The following PCDHGB1 variants were observed in gnomAD, a reference collection of about 807,000 sequenced individuals.
The protein encoded by PCDHGB1 is protocadherin gamma-B1.
A neutral mutation model predicts 56.6 loss-of-function variants in PCDHGB1; 34 were observed. The ratio of observed to expected loss-of-function variants is 0.60; its 90% CI spans 0.46 to 0.80. The LOEUF is 0.80. PCDHGB1 is among the 30% of genes least tolerant of loss of function. The pLI, the probability that PCDHGB1 is intolerant of heterozygous loss-of-function variation, is 0.00. For missense variants in PCDHGB1, 1,278 were observed against 1,204.6 expected (o/e 1.06, Z -0.90); for synonymous variants, 561 against 505.9 (o/e 1.11, Z -1.46).
intron 1 of PCDHGB1, among the ~76,000 whole-genome samples, chr5:141,470,591 G>A (rs1271473509): frequency 1.3e-5 from 2 of 152,132 alleles, no homozygotes; most frequent in African/African-American, 4.8e-5. Flanking sequence ...ATAGGCAGGC[G>A]ACCTGTGCGG....
At chr5:141,454,796 ATTTTTTTTTTTT>A (rs61612330) in intron 1 of PCDHGB1, among the ~76,000 whole-genome samples, 76 of 77,462 alleles carry the variant, frequency 9.8e-4, no homozygotes, top group African/African-American at 3.9e-3. Flanking sequence ...CATGGTTCTA[ATTTTTTTTTTTT>A]TTTTTTTTTT....
intron 1 of PCDHGB1, among the ~76,000 whole-genome samples, chr5:141,451,542 G>A (rs1023356681): frequency 3.3e-5 from 5 of 152,148 alleles, no homozygotes; most frequent in Non-Finnish European, 7.3e-5. Context: ...GCCAGAGAGG[G>A]CAAATGTGAT....
intron 1 of PCDHGB1, chr5:141,400,577 T>G: frequency 6.2e-7 from 1 of 1,611,914 alleles, no homozygotes; most frequent in East Asian, 2.2e-5. Flanking sequence ...TTTTCTGTAT[T>G]TACATGAAAC....
chr5:141,505,911 A>C (rs2099849083), intron 3 of PCDHGB1, among the ~76,000 whole-genome samples: 1 of 152,154 alleles, frequency 6.6e-6, no homozygotes, highest in South Asian at 2.1e-4. Flanking sequence ...CAAAGCATAG[A>C]GTTCTGGGCC....
chr5:141,376,643 A>T, intron 1 of PCDHGB1: 1 of 1,013,992 alleles, frequency 9.9e-7, no homozygotes, highest in Non-Finnish European at 1.4e-6. Context: ...GATTTTGTAA[A>T]GTGGAAGACT....
chr5:141,388,922 A>G (rs761599135), intron 1 of PCDHGB1: 1 of 1,614,046 alleles, frequency 6.2e-7, no homozygotes, highest in Non-Finnish European at 8.5e-7. Context: ...CAGAAGTGAT[A>G]TTCCAGTCTC....
At chr5:141,397,195 G>T (rs2093485269) in intron 1 of PCDHGB1, among the ~76,000 whole-genome samples, 1 of 152,150 alleles carries the variant, frequency 6.6e-6, no homozygotes, top group Non-Finnish European at 1.5e-5. Context: ...TACTGTAAAA[G>T]ATATGACATA....
intron 1 of PCDHGB1, among the ~76,000 whole-genome samples, chr5:141,444,977 T>A (rs2098452876): frequency 1.3e-5 from 2 of 152,200 alleles, no homozygotes; most frequent in South Asian, 4.1e-4. Flanking sequence ...TTCAAATCCA[T>A]GAACATGGTA....
Position 141,487,246 on chromosome 5 carries a change from C to T in PCDHGB1, c.2410-7561C>T. 1 of 1,614,166 alleles carries T rather than the reference C, an allele frequency of 6.2e-7. No individual in the cohort carries two copies. The highest frequency in any genetic ancestry group is 8.5e-7 in the Non-Finnish European group (1 of 1,180,014). ...GGGAAGGAGAATCTCGTCTAACCCTCTACTTGGCTGTGTCCCTAGTGGCAA... is the reference window on the plus strand; with the variant it reads ...GGGAAGGAGAATCTCGTCTAACCCTTTACTTGGCTGTGTCCCTAGTGGCAA... On this transcript the variant is annotated intron_variant, in intron 1 of 3. Coordinates refer to ENST00000523390, the MANE Select transcript of PCDHGB1 (RefSeq NM_018922.3). This position sits in a 1 kb window ranked among gnomAD's most constrained non-coding sequence, Gnocchi z 5.0.
chr5:141,376,025 G>C, intron 1 of PCDHGB1: 1 of 1,613,266 alleles, frequency 6.2e-7, no homozygotes, highest in Non-Finnish European at 8.5e-7. Context: ...GGCCGTCCAG[G>C]ACCACGGCCA....
chr5:141,389,429 G>T, intron 1 of PCDHGB1: 1 of 1,610,654 alleles, frequency 6.2e-7, no homozygotes, highest in East Asian at 2.2e-5. Flanking sequence ...TGTTCGCGCA[G>T]CGCGCCTTCG....
At chr5:141,369,431 C>T (rs935831476) in intron 1 of PCDHGB1, among the ~76,000 whole-genome samples, 1 of 152,124 alleles carries the variant, frequency 6.6e-6, no homozygotes, top group Non-Finnish European at 1.5e-5. Flanking sequence ...ATTTGGGACG[C>T]TGAGGTGGGA....
At chr5:141,371,541 C>G in intron 1 of PCDHGB1, 1 of 1,613,764 alleles carries the variant, frequency 6.2e-7, no homozygotes, top group Non-Finnish European at 8.5e-7. Flanking sequence ...TGGAGAAATC[C>G]TATGCCAACT....
chr5:141,409,007 C>T, intron 1 of PCDHGB1: 1 of 1,613,932 alleles, frequency 6.2e-7, no homozygotes, highest in Non-Finnish European at 8.5e-7. Context: ...AGCCACTGAC[C>T]AGGATGAGGG....
intron 1 of PCDHGB1, chr5:141,418,494 T>TGATGGTGGG: frequency 6.2e-7 from 1 of 1,614,020 alleles, no homozygotes; most frequent in Non-Finnish European, 8.5e-7. Context: ...CACTTGGTAC[T>TGATGGTGGG]GACCGCCTTA....
Position 141,450,758 on chromosome 5 carries a change from A to C in PCDHGB1, c.2410-44049A>C, listed in dbSNP as rs1007910264. On this transcript the variant is annotated intron_variant, in intron 1 of 3. Transcript: ENST00000523390. ...CGCCTTGGCCTCCCAAAGTGCCGGGATTACAGGCATGAGCCACCGTGCCCG... is the reference window on the plus strand; with the variant it reads ...CGCCTTGGCCTCCCAAAGTGCCGGGCTTACAGGCATGAGCCACCGTGCCCG... Among the ~76,000 whole-genome samples the C allele has an allele frequency of 5.3e-5, 8 of 151,784 alleles. No individual in the cohort carries two copies. In the East Asian group the frequency reaches 1.4e-3, roughly 26 times the overall value.
intron 1 of PCDHGB1, among the ~76,000 whole-genome samples, chr5:141,452,476 C>T (rs968627914): frequency 6.6e-6 from 1 of 152,216 alleles, no homozygotes; most frequent in Admixed American, 6.5e-5. Context: ...AGGAAAAACA[C>T]ACATAAACAC....
intron 1 of PCDHGB1, chr5:141,365,269 A>T: frequency 6.2e-7 from 1 of 1,614,008 alleles, no homozygotes; most frequent in Non-Finnish European, 8.5e-7. Flanking sequence ...AAGAATCCAG[A>T]TTCTACCTCA....
chr5:141,351,156 C>T lies in PCDHGB1; in HGVS notation c.896C>T (p.Thr299Ile), dbSNP rs995856696. Residue 299 changes from threonine (T) to isoleucine (I), a missense_variant, in exon 1 of 4, where the codon ACC becomes ATC. Physicochemically the swap from Thr to Ile is moderately conservative, Grantham distance 89 (BLOSUM62 -1). Coordinates refer to ENST00000523390, the MANE Select transcript of PCDHGB1 (RefSeq NM_018922.3). ...NLNPNTGDIT[T>I]NGTLDFEETS... Reference sequence around the variant, plus strand: ...AATCCAAATACTGGCGACATCACAACCAATGGCACATTGGATTTTGAAGAG... The same window carrying T: ...AATCCAAATACTGGCGACATCACAATCAATGGCACATTGGATTTTGAAGAG... 7 of 1,613,902 alleles carry T rather than the reference C, an allele frequency of 4.3e-6. No individual in the cohort carries two copies. The African/African-American group carries it at 5.3e-5, about 12-fold the overall frequency.
Sources: gnomAD v4.1 joint callset for allele counts (sites outside exome capture counted in the v4.1 genomes callset) on GRCh38, gnomAD v4.1.1 for gene constraint, Gnocchi (gnomAD v3.1) non-coding constraint, MANE v1.5 for transcripts, NCBI Gene and HGNC (gene_info 2026-07-23, HGNC 2026-07-21) for gene names.